The following CA13 variants were observed in gnomAD, a reference collection of about 807,000 sequenced individuals.
The protein encoded by CA13 is carbonic anhydrase 13.
A neutral mutation model predicts 31.5 loss-of-function variants in CA13; 21 were observed. The observed-to-expected ratio is 0.67, with a 90% CI of 0.47 to 0.96. The LOEUF (loss-of-function observed/expected upper bound fraction) is 0.96, where lower values mean the gene tolerates loss of function less well. Ranked by LOEUF, CA13 falls within the 40% of genes least tolerant of loss-of-function variation. CA13 has a pLI of 0.00. For synonymous variants in CA13, 117 were observed against 111.4 expected (o/e 1.05, Z -0.32); for missense variants, 315 against 318.9 (o/e 0.99, Z 0.09).
chr8:85,274,312 C>T (rs968385503), intron 6 of CA13, among the ~76,000 whole-genome samples: 20 of 152,250 alleles, frequency 1.3e-4, no homozygotes, highest in African/African-American at 3.9e-4. Context: ...TCCATCATGT[C>T]GCTGTAGCAG....
intron 3 of CA13, among the ~76,000 whole-genome samples, chr8:85,263,423 T>A (rs1807412738): frequency 6.6e-6 from 1 of 152,066 alleles, no homozygotes; most frequent in Non-Finnish European, 1.5e-5. Flanking sequence ...CAGGCAAATG[T>A]TGAAGTAGGG....
chr8:85,257,054 A>G (rs1376172707), intron 2 of CA13, among the ~76,000 whole-genome samples: 2 of 152,070 alleles, frequency 1.3e-5, no homozygotes, highest in Non-Finnish European at 2.9e-5. Flanking sequence ...CTGTTCATGT[A>G]TCTTTACTTC....
At chr8:85,253,216 A>G in intron 2 of CA13, among the ~76,000 whole-genome samples, 1 of 151,902 alleles carries the variant, frequency 6.6e-6, no homozygotes, top group East Asian at 1.9e-4. Flanking sequence ...AAGTGCTGGG[A>G]TTACAGGCGT....
chr8:85,277,393 A>G, intron 6 of CA13, among the ~76,000 whole-genome samples: 1 of 152,104 alleles, frequency 6.6e-6, no homozygotes, highest in Non-Finnish European at 1.5e-5. Flanking sequence ...CTCCTGAGCC[A>G]GCGAGACCAT....
chr8:85,262,844 G>A (rs950802334), intron 3 of CA13, among the ~76,000 whole-genome samples: 11 of 152,012 alleles, frequency 7.2e-5, no homozygotes, highest in African/African-American at 2.7e-4. Context: ...GTTTGAGAGT[G>A]AGGGAGGGCA....
At chr8:85,276,456 G>C (rs1438620337) in intron 6 of CA13, among the ~76,000 whole-genome samples, 1 of 152,268 alleles carries the variant, frequency 6.6e-6, no homozygotes. Flanking sequence ...TGCAGCCCTG[G>C]TGCGAGATCC....
In CA13 at chr8:85,281,294, A is replaced by G; in HGVS notation, c.734A>G (p.Asn245Ser). The change falls in exon 7 of 7, where the codon AAT becomes AGT. Residue 245 changes from asparagine to serine, a missense_variant. Physicochemically the swap from Asn to Ser is conservative, Grantham distance 46 (BLOSUM62 1). Coordinates refer to ENST00000321764, the MANE Select transcript of CA13 (RefSeq NM_198584.3). The part of the protein sequence containing the change: ...EGEAAAFLVS[N>S]HRPPQPLKGR... ...GAAGCAGCAGCTTTTCTGGTGAGCA[A>G]TCACCGCCCACCACAGCCTCTAAAG... 1.2e-6 allele frequency: 2 copies of G among 1,614,054 alleles called. No individual in the cohort carries two copies. The highest frequency in any genetic ancestry group is 1.7e-6 in the Non-Finnish European group (2 of 1,179,972).
chr8:85,279,358 A>G lies in CA13; in HGVS notation c.670-1872A>G, dbSNP rs144590591. Among the ~76,000 whole-genome samples the G allele has an allele frequency of 3.1e-3, 478 of 152,302 alleles. 4 individuals are homozygous for G. Among genetic ancestry groups the G allele is most frequent in the South Asian group, 0.023 (109 of 4,824 alleles). On this transcript the variant is annotated intron_variant, in intron 6 of 6. Transcript: ENST00000321764. Reference sequence around the variant, plus strand: ...TTTAAGGCCAGGGCAGTAGTGGAGGACACCCAGAGCCAACAGAAACAAATC... The same window carrying G: ...TTTAAGGCCAGGGCAGTAGTGGAGGGCACCCAGAGCCAACAGAAACAAATC...
chr8:85,253,023 G>A (rs956989818), intron 2 of CA13, among the ~76,000 whole-genome samples: 4 of 151,196 alleles, frequency 2.6e-5, no homozygotes, highest in East Asian at 3.9e-4. Flanking sequence ...TCGGCTCACC[G>A]CAACCTCTGC....
intron 1 of CA13, among the ~76,000 whole-genome samples, chr8:85,247,343 A>G (rs1239930569): frequency 6.6e-6 from 1 of 152,238 alleles, no homozygotes; most frequent in Non-Finnish European, 1.5e-5. Flanking sequence ...ATTCACCTGA[A>G]TGAAGCTTAT....
intron 6 of CA13, 29 bp from the exon 7 acceptor site, chr8:85,281,201 C>T: frequency 1.2e-6 from 2 of 1,603,006 alleles, no homozygotes; most frequent in South Asian, 2.2e-5. Flanking sequence ...AATTTCTATG[C>T]TGAAGCTAAC....
chr8:85,257,252 G>A (rs1281757202), intron 2 of CA13, among the ~76,000 whole-genome samples: 2 of 152,100 alleles, frequency 1.3e-5, no homozygotes, highest in Non-Finnish European at 2.9e-5. Flanking sequence ...CTGGGCACTG[G>A]AGATACAGGG....
intron 1 of CA13, among the ~76,000 whole-genome samples, chr8:85,247,916 T>C (rs918672133): frequency 1.6e-4 from 10 of 63,552 alleles, no homozygotes; most frequent in African/African-American, 1.0e-3. Flanking sequence ...TGTTTAAACA[T>C]TGGTAAACCA....
In CA13 at chr8:85,281,510, C is replaced by CT. The variant is rs1034002625; in HGVS notation, c.*171dup. On this transcript the variant is annotated 3_prime_UTR_variant, in exon 7 of 7. Transcript: ENST00000321764. Reference sequence around the variant, plus strand: ...CACAAAGAAAACCAGATCTCTCTCTCTTTTTTTTTTATTTTTTTTAGTGAT... The same window carrying CT: ...CACAAAGAAAACCAGATCTCTCTCTCTTTTTTTTTTTATTTTTTTTAGTGAT... The CT allele has an allele frequency of 3.4e-3, 4,109 of 1,222,688 alleles. No homozygotes were observed. The highest frequency in any genetic ancestry group is 6.7e-3 in the East Asian group (210 of 31,346). The allele number at this position is 1,222,688 out of a possible 1,614,324, so 75.7% of individuals were successfully genotyped here. A position where few individuals can be genotyped will look rare whatever the true frequency, so the allele number is the denominator to read the frequency against.
Position 85,250,768 on chromosome 8 carries a change from T to G in CA13, c.66T>G (p.Pro22=). The G allele has an allele frequency of 6.2e-7, 1 of 1,613,114 alleles. No homozygotes were observed. The highest frequency in any genetic ancestry group is 1.1e-5 in the South Asian group (1 of 91,054). ...CTATTCACTGGAAGGAATTTTTCCC[T>G]ATTGCTGATGGTGATCAGCAATCTC... is the stretch of plus-strand genomic sequence containing the variant. ...NGPIHWKEFF[P]IADGDQQSPI... is the part of the protein sequence containing the mutation. Residue 22 remains proline (P), a synonymous_variant, in exon 2 of 7, where the codon CCT becomes CCG. Coordinates refer to ENST00000321764, the MANE Select transcript of CA13 (RefSeq NM_198584.3).
chr8:85,245,526 G>A lies in CA13; in HGVS notation c.-303G>A, dbSNP rs1587528701. On this transcript the variant is annotated 5_prime_UTR_variant, in exon 1 of 7. Coordinates refer to ENST00000321764, the MANE Select transcript of CA13 (RefSeq NM_198584.3). ...AGTGACGACTCCTCAGAAGGCAGGAGATCCCCCCCGGAAACCTTTCTCTCT... is the reference window on the plus strand; with the variant it reads ...AGTGACGACTCCTCAGAAGGCAGGAAATCCCCCCCGGAAACCTTTCTCTCT... The A allele has an allele frequency of 2.4e-6, 1 of 410,898 alleles. No homozygotes were observed. The highest frequency in any genetic ancestry group is 4.4e-6 in the Non-Finnish European group (1 of 228,558). The allele number at this position is 410,898 out of a possible 1,614,324, so 25.5% of individuals were successfully genotyped here.
At chr8:85,247,998 A>T (rs1813760661) in intron 1 of CA13, among the ~76,000 whole-genome samples, 1 of 152,244 alleles carries the variant, frequency 6.6e-6, no homozygotes, top group African/African-American at 2.4e-5. Context: ...CAAGACTTGA[A>T]GCCCTGAAAG....
At chr8:85,272,720 T>C (rs1807544321) in intron 6 of CA13, among the ~76,000 whole-genome samples, 1 of 152,260 alleles carries the variant, frequency 6.6e-6, no homozygotes, top group South Asian at 2.1e-4. Context: ...TTGCTCACTT[T>C]TGTGTGGACA....
intron 1 of CA13, 39 bp from the exon 2 acceptor site, chr8:85,250,701 A>T: frequency 1.5e-6 from 2 of 1,308,642 alleles, no homozygotes; most frequent in African/African-American, 1.5e-5. Context: ...GAAAGAAAGA[A>T]CTTATTTAAT....
Sources: allele counts gnomAD v4.1 joint callset (sites outside exome capture counted in the v4.1 genomes callset), GRCh38; gene constraint gnomAD v4.1.1; transcripts MANE v1.5; gene names NCBI Gene and HGNC (gene_info 2026-07-23, HGNC 2026-07-21).